The following CASS4 variants were observed in gnomAD, a reference collection of about 807,000 sequenced individuals.
CASS4 encodes Cas scaffold protein family member 4.
A neutral mutation model predicts 54.2 loss-of-function variants in CASS4; 22 were observed. The ratio of observed to expected loss-of-function variants is 0.41; its 90% CI spans 0.29 to 0.58. The LOEUF (loss-of-function observed/expected upper bound fraction) is 0.58, where lower values mean the gene tolerates loss of function less well. CASS4 is among the 20% of genes least tolerant of loss of function. The pLI, the probability that CASS4 is intolerant of heterozygous loss-of-function variation, is 0.36. For synonymous variants in CASS4, 409 were observed against 391.5 expected (o/e 1.04, Z -0.53); for missense variants, 854 against 986.7 (o/e 0.87, Z 1.80).
intron 1 of CASS4, among the ~76,000 whole-genome samples, chr20:56,427,028 A>C (rs1301647978): frequency 6.6e-6 from 1 of 152,012 alleles, no homozygotes; most frequent in Non-Finnish European, 1.5e-5. Flanking sequence ...AGGCATGGTG[A>C]TGTGTGCCTG....
chr20:56,449,391 C>T (rs6069751), intron 3 of CASS4, among the ~76,000 whole-genome samples: 63,138 of 151,330 alleles, frequency 0.42, 16,309 homozygotes, highest in African/African-American at 0.73. Flanking sequence ...TTCTCACTCA[C>T]AGGTGGGAAA....
At chr20:56,422,110 A>T (rs576573783) in intron 1 of CASS4, among the ~76,000 whole-genome samples, 2 of 152,228 alleles carry the variant, frequency 1.3e-5, no homozygotes, top group Non-Finnish European at 2.9e-5. Flanking sequence ...TGAAATTGTC[A>T]GCCCCTTGAC....
In CASS4 at chr20:56,437,936, T is replaced by C. The variant is rs76842328; in HGVS notation, c.459+350T>C. 0.057 allele frequency among the ~76,000 whole-genome samples: 8,745 copies of C among 152,134 alleles called. 383 individuals are homozygous for C. The highest frequency in any genetic ancestry group is 0.16 in the Middle Eastern group (46 of 294). ...GATCACCAGGACTGCCAGTGACAAATGGGAGGGTGGGGTTTCCATGGGTTC... is the reference window on the plus strand; with the variant it reads ...GATCACCAGGACTGCCAGTGACAAACGGGAGGGTGGGGTTTCCATGGGTTC... On this transcript the variant is annotated intron_variant, in intron 2 of 5. Transcript: ENST00000679887. The surrounding 1 kb of genome is among the most constrained non-coding windows in gnomAD (Gnocchi z 4.7).
intron 2 of CASS4, among the ~76,000 whole-genome samples, chr20:56,445,621 G>A (rs1012293936): frequency 6.6e-6 from 1 of 152,178 alleles, no homozygotes; most frequent in Non-Finnish European, 1.5e-5. Context: ...ACTCGCGTGG[G>A]CCCAAGAATC....
chr20:56,457,704 T>C (rs1215183372), intron 5 of CASS4, among the ~76,000 whole-genome samples: 3 of 152,154 alleles, frequency 2.0e-5, no homozygotes, highest in Non-Finnish European at 4.4e-5. Flanking sequence ...TCATCAAGTT[T>C]TTGTGCATTT....
chr20:56,421,602 G>A (rs1469034389), intron 1 of CASS4, among the ~76,000 whole-genome samples: 1 of 152,140 alleles, frequency 6.6e-6, no homozygotes, highest in African/African-American at 2.4e-5. Context: ...AGGCTGAGGT[G>A]GGAGGATCGT....
At position 56,458,714 on chromosome 20, in the gene CASS4, A is replaced by G. The variant is rs1981446921; in HGVS notation, c.2328A>G (p.Gln776=). 2 of 1,610,666 alleles carry G rather than the reference A, an allele frequency of 1.2e-6. No homozygotes were observed. Among genetic ancestry groups the G allele is most frequent in the Non-Finnish European group, 8.5e-7 (1 of 1,178,732 alleles). The change falls in exon 6 of 6, where the codon CAA becomes CAG. Residue 776 remains glutamine, a synonymous_variant. Transcript: ENST00000679887. The part of the protein sequence containing the change: ...HLQAEAEKLE[Q]HTRQFRGTLG ...AGGCGGAGGCTGAGAAGCTGGAGCA[A>G]CACACGCGGCAGTTCAGAGGGACAC... is the stretch of plus-strand genomic sequence containing the variant.
chr20:56,430,877 A>G lies in CASS4; in HGVS notation c.37-6287A>G, dbSNP rs533755957. On this transcript the variant is annotated intron_variant, in intron 1 of 5. Coordinates refer to ENST00000679887, the MANE Select transcript of CASS4 (RefSeq NM_020356.4). The surrounding 1 kb of genome is among the most constrained non-coding windows in gnomAD (Gnocchi z 4.2). ...GGCATTTGAGAAAAGTAAGAAAACA[A>G]TGTGACTGGAGGGAAATGAATGAGG... Among the ~76,000 whole-genome samples, 12 of 152,272 alleles carry G rather than the reference A, an allele frequency of 7.9e-5. No homozygotes were observed. Among genetic ancestry groups the G allele is most frequent in the African/African-American group, 2.6e-4 (11 of 41,558 alleles).
At chr20:56,425,779 A>G (rs1423236372) in intron 1 of CASS4, among the ~76,000 whole-genome samples, 7 of 152,196 alleles carry the variant, frequency 4.6e-5, no homozygotes, top group African/African-American at 1.7e-4. Flanking sequence ...ACAAATGAAC[A>G]TGGACTCAAA....
At chr20:56,428,894 G>C (rs1979767231) in intron 1 of CASS4, among the ~76,000 whole-genome samples, 1 of 152,134 alleles carries the variant, frequency 6.6e-6, no homozygotes. Context: ...CTAAAATGAG[G>C]CCAACAGAGC....
intron 1 of CASS4, among the ~76,000 whole-genome samples, chr20:56,418,497 T>G (rs749367816): frequency 1.1e-4 from 16 of 152,178 alleles, no homozygotes; most frequent in Non-Finnish European, 1.9e-4. Flanking sequence ...AATTTATGTT[T>G]TCTAGATCAC....
intron 3 of CASS4, among the ~76,000 whole-genome samples, 195 bp from the exon 4 acceptor site, chr20:56,450,404 G>A (rs977851541): frequency 3.3e-5 from 5 of 152,150 alleles, no homozygotes; most frequent in African/African-American, 4.8e-5. Flanking sequence ...TGTCCCCTGC[G>A]TTGCCTCAGA....
intron 1 of CASS4, among the ~76,000 whole-genome samples, chr20:56,417,633 T>G (rs369856027): frequency 2.6e-5 from 4 of 152,316 alleles, no homozygotes; most frequent in East Asian, 1.9e-4. Context: ...CACAAAGTAG[T>G]TGCTCAATAC....
At chr20:56,434,870 A>C (rs1343768255) in intron 1 of CASS4, among the ~76,000 whole-genome samples, 2 of 152,218 alleles carry the variant, frequency 1.3e-5, no homozygotes, top group Non-Finnish European at 2.9e-5. Context: ...GCAAAAGAAA[A>C]GATCTGGAAA....
chr20:56,426,211 C>T (rs146467620), intron 1 of CASS4, among the ~76,000 whole-genome samples: 7 of 152,208 alleles, frequency 4.6e-5, no homozygotes, highest in Non-Finnish European at 8.8e-5. Flanking sequence ...GGCCCTTGAT[C>T]GCTGAACTAC....
At chr20:56,417,475 T>C (rs1329306327) in intron 1 of CASS4, among the ~76,000 whole-genome samples, 1 of 147,362 alleles carries the variant, frequency 6.8e-6, no homozygotes, top group African/African-American at 2.4e-5. Context: ...GCCAACACTC[T>C]CATCTATCTT....
intron 2 of CASS4, among the ~76,000 whole-genome samples, chr20:56,443,726 G>A (rs6069747): frequency 1.3e-5 from 2 of 152,116 alleles, no homozygotes; most frequent in African/African-American, 4.8e-5. Context: ...TGCACAACAC[G>A]GCAGCGTGCA....
intron 1 of CASS4, among the ~76,000 whole-genome samples, chr20:56,433,722 C>T (rs1437553913): frequency 6.6e-6 from 1 of 152,164 alleles, no homozygotes; most frequent in African/African-American, 2.4e-5. Context: ...TCAATGTCAT[C>T]TCATACACTC....
At chr20:56,449,113 A>G (rs911770989) in intron 3 of CASS4, among the ~76,000 whole-genome samples, 5 of 152,212 alleles carry the variant, frequency 3.3e-5, no homozygotes, top group Admixed American at 1.3e-4. Flanking sequence ...TACTGAGTAT[A>G]TACCCAAAGG....
Sources: gnomAD v4.1 joint callset for allele counts (sites outside exome capture counted in the v4.1 genomes callset) on GRCh38, gnomAD v4.1.1 for gene constraint, Gnocchi (gnomAD v3.1) non-coding constraint, MANE v1.5 for transcripts, NCBI Gene and HGNC (gene_info 2026-07-23, HGNC 2026-07-21) for gene names.